Variants in SH3RF3 observed in about 807,000 individuals in gnomAD.
SH3RF3 encodes the protein SH3 domain containing ring finger 3.
A neutral mutation model predicts 66.3 loss-of-function variants in SH3RF3; 29 were observed. The observed-to-expected ratio is 0.44, with a 90% CI of 0.33 to 0.60. The LOEUF (loss-of-function observed/expected upper bound fraction) is 0.60. SH3RF3 is among the 20% of genes least tolerant of loss of function. The pLI is 0.04. For missense variants in SH3RF3, 1,194 were observed against 1,190.9 expected, an observed-to-expected ratio of 1.00 and a Z score of -0.04; for synonymous variants, 583 against 532.0, an observed-to-expected ratio of 1.10 and a Z score of -1.32.
intron 8 of SH3RF3, among the ~76,000 whole-genome samples, chr2:109,486,698 C>A (rs965962623): frequency 6.6e-6 from 1 of 152,028 alleles, no homozygotes; most frequent in Non-Finnish European, 1.5e-5. Context: ...TTGCACCCAG[C>A]AGTGTGGTTG....
chr2:109,440,948 C>T (rs13393569), intron 7 of SH3RF3, among the ~76,000 whole-genome samples: 2,463 of 152,158 alleles, frequency 0.016, 65 homozygotes, highest in African/African-American at 0.056. Context: ...ACCAGCCAGA[C>T]GGAAAAATTG....
At chr2:109,374,178 G>T (rs1037892546) in intron 3 of SH3RF3, among the ~76,000 whole-genome samples, 1 of 152,134 alleles carries the variant, frequency 6.6e-6, no homozygotes, top group Non-Finnish European at 1.5e-5. Context: ...TGGATAGGAA[G>T]CCCTGGACTG....
chr2:109,395,274 C>T (rs1212919843), intron 3 of SH3RF3, among the ~76,000 whole-genome samples: 2 of 152,110 alleles, frequency 1.3e-5, no homozygotes, highest in African/African-American at 4.8e-5. Flanking sequence ...CTGTTGAGGC[C>T]CTTCGGGTTA....
intron 4 of SH3RF3, among the ~76,000 whole-genome samples, chr2:109,405,914 C>A (rs1435349382): frequency 6.6e-6 from 1 of 152,234 alleles, no homozygotes; most frequent in African/African-American, 2.4e-5. Context: ...CAAGACAGCA[C>A]CGGCAGCATT....
intron 1 of SH3RF3, among the ~76,000 whole-genome samples, chr2:109,195,226 CTAGGA>C (rs1678467351): frequency 6.6e-6 from 1 of 152,114 alleles, no homozygotes; most frequent in African/African-American, 2.4e-5. Flanking sequence ...AGGACTAGGA[CTAGGA>C]CTGCCTACAC....
chr2:109,401,018 G>T (rs1217936162), intron 4 of SH3RF3, among the ~76,000 whole-genome samples: 1 of 152,230 alleles, frequency 6.6e-6, no homozygotes, highest in Non-Finnish European at 1.5e-5. Context: ...CCCAGTGGCG[G>T]ACCAGTGTGG....
chr2:109,303,569 C>G (rs1034688068), intron 1 of SH3RF3, among the ~76,000 whole-genome samples: 1 of 152,140 alleles, frequency 6.6e-6, no homozygotes. Flanking sequence ...GAAACCCACC[C>G]GATGATGCCC....
At chr2:109,353,528 C>T (rs377444428) in intron 2 of SH3RF3, among the ~76,000 whole-genome samples, 12 of 152,146 alleles carry the variant, frequency 7.9e-5, no homozygotes, top group African/African-American at 1.4e-4. Flanking sequence ...CAGCAAGGGG[C>T]GCCTGGAGGG....
chr2:109,308,191 T>C (rs1359559888), intron 1 of SH3RF3, among the ~76,000 whole-genome samples: 1 of 133,742 alleles, frequency 7.5e-6, no homozygotes. Flanking sequence ...GAGCATTTTT[T>C]CATGTGTTTT....
intron 8 of SH3RF3, among the ~76,000 whole-genome samples, chr2:109,459,113 T>G (rs149557690): frequency 4.2e-4 from 64 of 152,278 alleles, no homozygotes; most frequent in South Asian, 8.3e-4. Flanking sequence ...GTGCTTCGTC[T>G]TCTTCTTGAT....
intron 5 of SH3RF3, among the ~76,000 whole-genome samples, chr2:109,429,658 G>T (rs1238692825): frequency 6.6e-6 from 1 of 152,144 alleles, no homozygotes; most frequent in East Asian, 1.9e-4. Context: ...GCCCCAGGCC[G>T]CGCTGACAGC....
intron 1 of SH3RF3, among the ~76,000 whole-genome samples, chr2:109,275,021 T>G (rs1680721559): frequency 6.6e-6 from 1 of 152,214 alleles, no homozygotes; most frequent in African/African-American, 2.4e-5. Flanking sequence ...ATTTATACTG[T>G]AATATTTATA....
chr2:109,270,730 G>A (rs1410380325), intron 1 of SH3RF3, among the ~76,000 whole-genome samples: 1 of 152,208 alleles, frequency 6.6e-6, no homozygotes, highest in Non-Finnish European at 1.5e-5. Flanking sequence ...TTCCTGGACT[G>A]TTACTCCTCT....
intron 1 of SH3RF3, among the ~76,000 whole-genome samples, chr2:109,137,080 A>AT (rs898505490): frequency 5.3e-5 from 8 of 152,056 alleles, no homozygotes; most frequent in South Asian, 2.1e-4. Context: ...ATGAAATGTA[A>AT]TTTTTTTTCC....
intron 1 of SH3RF3, among the ~76,000 whole-genome samples, chr2:109,167,641 G>A (rs1677661518): frequency 1.3e-5 from 2 of 152,086 alleles, no homozygotes; most frequent in African/African-American, 4.8e-5. Context: ...GCACGATCTC[G>A]GCTCACTGCA....
chr2:109,217,154 C>T (rs147372765), intron 1 of SH3RF3, among the ~76,000 whole-genome samples: 21 of 152,348 alleles, frequency 1.4e-4, no homozygotes, highest in Middle Eastern at 3.4e-3. Context: ...CGGTCATCCA[C>T]ATCTTGTTTA....
chr2:109,501,273 G>T (rs1027325912), intron 9 of SH3RF3, among the ~76,000 whole-genome samples: 2 of 152,134 alleles, frequency 1.3e-5, no homozygotes, highest in Non-Finnish European at 2.9e-5. Flanking sequence ...CTTCTTCGTA[G>T]ATCAGCGTCT....
At chr2:109,156,023 G>T (rs192157041) in intron 1 of SH3RF3, among the ~76,000 whole-genome samples, 1 of 152,278 alleles carries the variant, frequency 6.6e-6, no homozygotes, top group Non-Finnish European at 1.5e-5. Flanking sequence ...TTCCCACTGG[G>T]GTCATTTTGC....
In SH3RF3 at chr2:109,484,555, T is replaced by C. The variant is rs573505658; in HGVS notation, c.2149-6050T>C. ...AGCTCTTGAGGCCCGCCCCCTCCTGTGGAGTTACCTCCTGCCCTATCAGCT... is the reference window on the plus strand; with the variant it reads ...AGCTCTTGAGGCCCGCCCCCTCCTGCGGAGTTACCTCCTGCCCTATCAGCT... On this transcript the variant is annotated intron_variant, in intron 8 of 9. Transcript: ENST00000309415. 9.8e-5 allele frequency among the ~76,000 whole-genome samples: 15 copies of C among 152,314 alleles called. No homozygotes were observed. In the South Asian group the frequency reaches 3.1e-3, roughly 32 times the overall value.
Sources: allele counts gnomAD v4.1 joint callset (sites outside exome capture counted in the v4.1 genomes callset), GRCh38; gene constraint gnomAD v4.1.1; transcripts MANE v1.5; gene names NCBI Gene and HGNC (gene_info 2026-07-23, HGNC 2026-07-21).